UNC79: variants seen among roughly 807,000 people sequenced by gnomAD.
UNC79 encodes the protein protein unc-79 homolog.
UNC79 carries 37 observed loss-of-function variants against 283.1 expected under a neutral mutation model. The observed-to-expected ratio is 0.13, with a 90% CI of 0.10 to 0.17. UNC79 has a LOEUF of 0.17. Ranked by LOEUF, UNC79 falls within the 10% of genes least tolerant of loss-of-function variation. The pLI, the probability that UNC79 is intolerant of heterozygous loss-of-function variation, is 1.00. For synonymous variants in UNC79, 1,107 were observed against 1,200.2 expected (o/e 0.92, Z 1.61); for missense variants, 2,272 against 3,211.1 (o/e 0.71, Z 7.07).
intron 1 of UNC79, among the ~76,000 whole-genome samples, chr14:93,415,109 G>C (rs2055424517): frequency 6.6e-6 from 1 of 152,172 alleles, no homozygotes; most frequent in Non-Finnish European, 1.5e-5. Flanking sequence ...AGTTTTCAAA[G>C]GGAATGCTTC....
At chr14:93,488,678 T>C (rs2058573612) in intron 5 of UNC79, among the ~76,000 whole-genome samples, 1 of 152,214 alleles carries the variant, frequency 6.6e-6, no homozygotes, top group African/African-American at 2.4e-5. Flanking sequence ...CAGTAAACAT[T>C]TATTTTTCTC....
chr14:93,616,329 A>T (rs1050430515), intron 27 of UNC79, among the ~76,000 whole-genome samples: 51 of 148,530 alleles, frequency 3.4e-4, no homozygotes, highest in African/African-American at 1.2e-3. Flanking sequence ...TAATGGCTGT[A>T]TTAGACGGTA....
chr14:93,564,623 T>C (rs1265720293), intron 14 of UNC79, among the ~76,000 whole-genome samples: 2 of 152,104 alleles, frequency 1.3e-5, no homozygotes, highest in Non-Finnish European at 2.9e-5. Flanking sequence ...GTGTGAGCAA[T>C]AAAGCTTTTT....
intron 1 of UNC79, among the ~76,000 whole-genome samples, chr14:93,465,784 A>T (rs1473182463): frequency 6.6e-6 from 1 of 152,160 alleles, no homozygotes; most frequent in Non-Finnish European, 1.5e-5. Flanking sequence ...TGATGGAATG[A>T]TTAATGGTAT....
chr14:93,451,783 A>G (rs573760097), intron 1 of UNC79, among the ~76,000 whole-genome samples: 103 of 152,254 alleles, frequency 6.8e-4, no homozygotes, highest in African/African-American at 2.4e-3. Context: ...TGAAATGCAC[A>G]CTAGTTGGTT....
At chr14:93,516,434 G>T (rs1378297564) in intron 7 of UNC79, among the ~76,000 whole-genome samples, 1 of 109,498 alleles carries the variant, frequency 9.1e-6, no homozygotes, top group Non-Finnish European at 1.8e-5. Context: ...AAAACAATCT[G>T]CTTGGATATT....
chr14:93,677,858 C>G (rs2073481685), intron 41 of UNC79, among the ~76,000 whole-genome samples: 1 of 152,206 alleles, frequency 6.6e-6, no homozygotes, highest in Non-Finnish European at 1.5e-5. Flanking sequence ...CCATGTTGAT[C>G]AGGCTGGTCT....
In UNC79 at chr14:93,380,248, A is replaced by G. The variant is rs146560168; in HGVS notation, c.-351+46725A>G. On this transcript the variant is annotated intron_variant, in intron 1 of 49. Transcript: ENST00000256339. The stretch of plus-strand genomic sequence containing the variant: ...TAATATTCAATTCCAAAGTCAGAGT[A>G]AACATTTTTTCATTATAAAATGACA... Among the ~76,000 whole-genome samples the G allele has an allele frequency of 9.2e-5, 14 of 152,358 alleles. No homozygotes were observed. The East Asian group carries it at 1.9e-3, about 21-fold the overall frequency.
intron 1 of UNC79, among the ~76,000 whole-genome samples, chr14:93,435,913 T>C (rs973632269): frequency 6.6e-6 from 1 of 152,216 alleles, no homozygotes; most frequent in African/African-American, 2.4e-5. Context: ...TACTGCTCAA[T>C]ACTTAGCTTT....
intron 26 of UNC79, among the ~76,000 whole-genome samples, chr14:93,603,868 C>A (rs1450253058): frequency 6.6e-6 from 1 of 151,818 alleles, no homozygotes; most frequent in African/African-American, 2.4e-5. Context: ...ACACAAGCCC[C>A]CTAAGACAAA....
At chr14:93,351,517 G>A (rs192598837) in intron 1 of UNC79, among the ~76,000 whole-genome samples, 241 of 152,244 alleles carry the variant, frequency 1.6e-3, no homozygotes, top group Non-Finnish European at 2.6e-3. Context: ...TGTTATGTGA[G>A]GTCAGTATAC....
At chr14:93,675,442 A>G (rs1314930724) in intron 41 of UNC79, among the ~76,000 whole-genome samples, 2 of 151,712 alleles carry the variant, frequency 1.3e-5, no homozygotes, top group East Asian at 3.9e-4. Flanking sequence ...TTAGCAATTG[A>G]AGTTGACATG....
At position 93,541,388 on chromosome 14, in the gene UNC79, G is replaced by A. The variant is rs1442574564; in HGVS notation, c.1524+557G>A. Among the ~76,000 whole-genome samples, 9 of 152,112 alleles carry A rather than the reference G, an allele frequency of 5.9e-5. 1 individual carries two copies. The highest frequency in any genetic ancestry group is 2.6e-4 in the Admixed American group (4 of 15,264). On this transcript the variant is annotated intron_variant, in intron 13 of 48. Coordinates refer to ENST00000555664, the Ensembl canonical transcript of UNC79. ...TAGAGATCAAACATACAGATCTAAC[G>A]TCCCAAGCAAGCTGAATTTACCAAT... is the stretch of plus-strand genomic sequence containing the variant.
intron 4 of UNC79, among the ~76,000 whole-genome samples, chr14:93,478,986 G>T (rs1181030226): frequency 3.9e-5 from 6 of 152,112 alleles, no homozygotes; most frequent in African/African-American, 1.2e-4. Flanking sequence ...AAAAAAATTA[G>T]CAGACTGATC....
At chr14:93,444,082 C>T (rs1317762179) in intron 1 of UNC79, among the ~76,000 whole-genome samples, 1 of 152,216 alleles carries the variant, frequency 6.6e-6, no homozygotes, top group East Asian at 1.9e-4. Context: ...GAGAGAGTTT[C>T]AGTTGATCTG....
At chr14:93,389,278 T>C (rs2054837154) in intron 1 of UNC79, among the ~76,000 whole-genome samples, 1 of 152,196 alleles carries the variant, frequency 6.6e-6, no homozygotes, top group African/African-American at 2.4e-5. Context: ...AAAGTAAACT[T>C]CTACCTCTGA....
intron 7 of UNC79, among the ~76,000 whole-genome samples, chr14:93,500,104 A>G (rs1001597805): frequency 5.3e-5 from 8 of 152,114 alleles, no homozygotes. Context: ...AAGCCACTTG[A>G]TGAGATTTGC....
chr14:93,373,133 C>G (rs1162504245), intron 1 of UNC79, among the ~76,000 whole-genome samples: 1 of 152,110 alleles, frequency 6.6e-6, no homozygotes, highest in Non-Finnish European at 1.5e-5. Flanking sequence ...ATGAGAACAA[C>G]TTATTGAAAT....
At chr14:93,387,036 A>G (rs903187779) in intron 1 of UNC79, among the ~76,000 whole-genome samples, 1 of 139,322 alleles carries the variant, frequency 7.2e-6, no homozygotes, top group African/African-American at 2.7e-5. Flanking sequence ...TCCGCCTCTC[A>G]GGTACAATCG....
Sources: gnomAD v4.1 joint callset for allele counts (sites outside exome capture counted in the v4.1 genomes callset) on GRCh38, gnomAD v4.1.1 for gene constraint, MANE v1.5 for transcripts, NCBI Gene and HGNC (gene_info 2026-07-23, HGNC 2026-07-21) for gene names.